Variants in GRXCR1 observed in about 807,000 individuals in gnomAD.
GRXCR1 encodes the protein glutaredoxin and cysteine rich domain containing 1.
Under a neutral mutation model 27.3 loss-of-function variants are expected in GRXCR1, and 27 were observed. That is an observed-to-expected ratio of 0.99 (90% CI 0.73 to 1.37). The LOEUF (loss-of-function observed/expected upper bound fraction) is 1.37. Among genes scored for constraint, GRXCR1 ranks in the 40% most tolerant of loss-of-function variants. The pLI is 0.00. For synonymous variants in GRXCR1, 122 were observed against 131.1 expected (o/e 0.93, Z 0.47); for missense variants, 379 against 354.4 (o/e 1.07, Z -0.56).
intron 1 of GRXCR1, among the ~76,000 whole-genome samples, chr4:42,940,269 T>C (rs1747586015): frequency 6.6e-6 from 1 of 152,106 alleles, no homozygotes; most frequent in Admixed American, 6.6e-5. Context: ...AAAATTACCA[T>C]GTAAATATTC....
intron 2 of GRXCR1, among the ~76,000 whole-genome samples, chr4:42,987,804 A>G (rs147940759): frequency 0.017 from 2,637 of 152,322 alleles, 52 homozygotes; most frequent in African/African-American, 0.046. Context: ...AAGGAATTCC[A>G]GATCAATTTA....
chr4:43,019,113 A>C (rs993093225), intron 2 of GRXCR1, among the ~76,000 whole-genome samples: 11 of 152,196 alleles, frequency 7.2e-5, no homozygotes, highest in African/African-American at 2.7e-4. Flanking sequence ...TAGAAACCTC[A>C]TCCAGTCTTT....
intron 3 of GRXCR1, among the ~76,000 whole-genome samples, chr4:43,022,343 T>C (rs984260256): frequency 5.3e-5 from 8 of 152,316 alleles, no homozygotes; most frequent in Non-Finnish European, 1.2e-4. Flanking sequence ...TCTGAACTTT[T>C]ATTCCATTGA....
chr4:42,988,572 C>T (rs993253988), intron 2 of GRXCR1, among the ~76,000 whole-genome samples: 1 of 152,140 alleles, frequency 6.6e-6, no homozygotes, highest in African/African-American at 2.4e-5. Context: ...ATTAAATGTT[C>T]AGTTATAAGT....
chr4:42,959,470 A>G (rs1748081599), intron 1 of GRXCR1, among the ~76,000 whole-genome samples: 1 of 151,986 alleles, frequency 6.6e-6, no homozygotes, highest in South Asian at 2.1e-4. Flanking sequence ...GAGATGTTCT[A>G]TGTGCCACAT....
chr4:42,982,390 A>AT (rs1748697081), intron 2 of GRXCR1, among the ~76,000 whole-genome samples: 1 of 129,110 alleles, frequency 7.7e-6, no homozygotes, highest in African/African-American at 3.0e-5. Flanking sequence ...TGAACTCATC[A>AT]TTTTTTATGG....
At chr4:42,915,705 A>G (rs1175561924) in intron 1 of GRXCR1, among the ~76,000 whole-genome samples, 2 of 152,026 alleles carry the variant, frequency 1.3e-5, no homozygotes, top group South Asian at 2.1e-4. Flanking sequence ...CTGTCATGAG[A>G]TGATGAGTCA....
At chr4:42,939,438 C>A (rs187884745) in intron 1 of GRXCR1, among the ~76,000 whole-genome samples, 1 of 152,094 alleles carries the variant, frequency 6.6e-6, no homozygotes, top group Non-Finnish European at 1.5e-5. Flanking sequence ...AAGATCATAT[C>A]ATCTGCAGAC....
chr4:42,988,315 C>G (rs1711846220), intron 2 of GRXCR1, among the ~76,000 whole-genome samples: 1 of 152,102 alleles, frequency 6.6e-6, no homozygotes, highest in Non-Finnish European at 1.5e-5. Flanking sequence ...AGCACTGATG[C>G]AGAGTGACAC....
chr4:42,965,964 G>A (rs1748228573), intron 2 of GRXCR1, among the ~76,000 whole-genome samples: 1 of 151,838 alleles, frequency 6.6e-6, no homozygotes, highest in Non-Finnish European at 1.5e-5. Context: ...AGAATTACAA[G>A]GACACTAAGC....
intron 1 of GRXCR1, among the ~76,000 whole-genome samples, chr4:42,894,830 A>G (rs1210019208): frequency 6.6e-6 from 1 of 152,108 alleles, no homozygotes; most frequent in Admixed American, 6.6e-5. Context: ...AGATGTGATT[A>G]TTTGGTTATG....
At chr4:42,983,929 A>G (rs1297569829) in intron 2 of GRXCR1, among the ~76,000 whole-genome samples, 1 of 150,182 alleles carries the variant, frequency 6.7e-6, no homozygotes, top group Non-Finnish European at 1.5e-5. Flanking sequence ...TTCATCTTCC[A>G]GGTTCAAGCA....
At chr4:42,971,664 A>T (rs1328623461) in intron 2 of GRXCR1, among the ~76,000 whole-genome samples, 2 of 152,010 alleles carry the variant, frequency 1.3e-5, no homozygotes, top group African/African-American at 4.8e-5. Context: ...CACTCCCGTG[A>T]TTCAATCACC....
intron 2 of GRXCR1, among the ~76,000 whole-genome samples, chr4:42,967,270 C>T (rs1202201221): frequency 1.3e-5 from 2 of 151,988 alleles, no homozygotes; most frequent in African/African-American, 4.8e-5. Flanking sequence ...TATGGATGCT[C>T]AGTTGTTCTA....
intron 2 of GRXCR1, among the ~76,000 whole-genome samples, chr4:42,967,481 T>A (rs1328801136): frequency 1.4e-5 from 2 of 141,322 alleles, no homozygotes; most frequent in East Asian, 4.4e-4. Flanking sequence ...ATATCTCACT[T>A]AATATGCTCA....
intron 2 of GRXCR1, among the ~76,000 whole-genome samples, chr4:42,997,153 G>T (rs1286188190): frequency 6.6e-6 from 1 of 151,880 alleles, no homozygotes; most frequent in Non-Finnish European, 1.5e-5. Flanking sequence ...ATATTAATAG[G>T]TTATTACCCA....
At chr4:43,016,411 T>C (rs938664755) in intron 2 of GRXCR1, among the ~76,000 whole-genome samples, 1 of 152,206 alleles carries the variant, frequency 6.6e-6, no homozygotes, top group Admixed American at 6.5e-5. Context: ...AAAAACTTAA[T>C]GATTGTTTTG....
At chr4:42,969,060 C>T (rs1288745979) in intron 2 of GRXCR1, among the ~76,000 whole-genome samples, 1 of 151,882 alleles carries the variant, frequency 6.6e-6, no homozygotes, top group Non-Finnish European at 1.5e-5. Context: ...AGTATCTACT[C>T]TGTTAATAAG....
chr4:43,002,339 A>T (rs529531076), intron 2 of GRXCR1, among the ~76,000 whole-genome samples: 115 of 152,380 alleles, frequency 7.5e-4, no homozygotes, highest in African/African-American at 2.6e-3. Flanking sequence ...GGCTTTCCAC[A>T]GTGCATTGTG....
Sources: allele counts gnomAD v4.1 joint callset (sites outside exome capture counted in the v4.1 genomes callset), GRCh38; gene constraint gnomAD v4.1.1; transcripts MANE v1.5; gene names NCBI Gene and HGNC (gene_info 2026-07-23, HGNC 2026-07-21).